The following RBFOX1 variants were observed in gnomAD, a reference collection of about 807,000 sequenced individuals.
RBFOX1 encodes RNA binding protein fox-1 homolog 1.
RBFOX1 carries 8 observed loss-of-function variants against 57.7 expected under a neutral mutation model. That is an observed-to-expected ratio of 0.14 (90% CI 0.08 to 0.25). RBFOX1 has a LOEUF of 0.25. Among genes scored for constraint, RBFOX1 ranks in the 10% least tolerant of loss-of-function variants. The probability of loss-of-function intolerance (pLI) is 1.00; values close to 1 mark genes in which losing one functional copy is unlikely to be tolerated. For missense variants in RBFOX1, 611 were observed against 548.5 expected (o/e 1.11, Z -1.14); for synonymous variants, 326 against 222.4 (o/e 1.47, Z -4.15).
intron 4 of RBFOX1, among the ~76,000 whole-genome samples, chr16:7,118,330 T>C (rs2066367976): frequency 6.6e-6 from 1 of 151,828 alleles, no homozygotes; most frequent in Non-Finnish European, 1.5e-5. Flanking sequence ...TGCATTTCCC[T>C]GATGATTAGT....
intron 1 of RBFOX1, among the ~76,000 whole-genome samples, chr16:5,406,046 G>A (rs1018332823): frequency 3.3e-5 from 5 of 152,038 alleles, no homozygotes; most frequent in African/African-American, 1.2e-4. Flanking sequence ...CTTTTATCTG[G>A]GAGTTCTCTT....
intron 4 of RBFOX1, among the ~76,000 whole-genome samples, chr16:7,343,679 G>C (rs2096939772): frequency 6.6e-6 from 1 of 152,056 alleles, no homozygotes; most frequent in South Asian, 2.1e-4. Flanking sequence ...TATATCTTAG[G>C]GAGGAAAAAA....
chr16:6,267,764 C>A (rs576200693), intron 1 of RBFOX1, among the ~76,000 whole-genome samples: 1 of 152,182 alleles, frequency 6.6e-6, no homozygotes, highest in South Asian at 2.1e-4. Context: ...TTAGATTTAC[C>A]AAGTATGATA....
chr16:7,230,418 C>A (rs541251806), intron 4 of RBFOX1, among the ~76,000 whole-genome samples: 1 of 152,126 alleles, frequency 6.6e-6, no homozygotes, highest in Admixed American at 6.5e-5. Context: ...ACTTATTCAT[C>A]TGCCTGCCTC....
At chr16:7,634,920 G>A (rs1003226831) in intron 11 of RBFOX1, among the ~76,000 whole-genome samples, 2 of 152,182 alleles carry the variant, frequency 1.3e-5, no homozygotes, top group Admixed American at 6.5e-5. Context: ...GAAAACATTT[G>A]CAATTAATAT....
At chr16:6,622,141 G>C (rs900268411) in intron 2 of RBFOX1, among the ~76,000 whole-genome samples, 1 of 152,126 alleles carries the variant, frequency 6.6e-6, no homozygotes, top group Non-Finnish European at 1.5e-5. Context: ...CATTCCTTAA[G>C]TACTTTATTG....
intron 1 of RBFOX1, among the ~76,000 whole-genome samples, chr16:6,268,839 C>T (rs61563561): frequency 4.6e-5 from 7 of 152,134 alleles, no homozygotes; most frequent in Non-Finnish European, 1.0e-4. Flanking sequence ...AGAGAACAAA[C>T]AAAATGCCTA....
At chr16:7,215,794 G>A (rs567699722) in intron 4 of RBFOX1, among the ~76,000 whole-genome samples, 5 of 146,354 alleles carry the variant, frequency 3.4e-5, no homozygotes, top group South Asian at 4.3e-4. Flanking sequence ...GCGTGATCTC[G>A]GCTCACTGCA....
At chr16:7,292,576 G>T (rs2095813210) in intron 4 of RBFOX1, among the ~76,000 whole-genome samples, 1 of 149,414 alleles carries the variant, frequency 6.7e-6, no homozygotes, top group African/African-American at 2.5e-5. Flanking sequence ...GAAGTGGGTT[G>T]TGCACGGTGA....
At chr16:6,056,025 C>T (rs1262309539) in intron 1 of RBFOX1, among the ~76,000 whole-genome samples, 1 of 152,110 alleles carries the variant, frequency 6.6e-6, no homozygotes, top group Admixed American at 6.6e-5. Flanking sequence ...CATTTCTTTG[C>T]ACTCAATGAG....
intron 2 of RBFOX1, among the ~76,000 whole-genome samples, chr16:6,644,425 G>C (rs1421932283): frequency 1.3e-5 from 2 of 152,300 alleles, no homozygotes; most frequent in South Asian, 2.1e-4. Flanking sequence ...AGAAGGAAGA[G>C]CAAAACCTTC....
chr16:7,233,267 C>T (rs546583858), intron 4 of RBFOX1, among the ~76,000 whole-genome samples: 2 of 150,420 alleles, frequency 1.3e-5, no homozygotes, highest in African/African-American at 4.9e-5. Flanking sequence ...TGTTTCTAAG[C>T]TGGCTCTATC....
At chr16:6,209,635 C>G (rs1039849598) in intron 1 of RBFOX1, among the ~76,000 whole-genome samples, 4 of 152,246 alleles carry the variant, frequency 2.6e-5, no homozygotes, top group Non-Finnish European at 5.9e-5. Flanking sequence ...TAAAACTCAA[C>G]TTGCTTTTCT....
At chr16:6,389,346 C>A (rs931871290) in intron 2 of RBFOX1, among the ~76,000 whole-genome samples, 1 of 152,144 alleles carries the variant, frequency 6.6e-6, no homozygotes, top group Non-Finnish European at 1.5e-5. Context: ...CACTAGCTTA[C>A]ATATCCTTCA....
intron 1 of RBFOX1, among the ~76,000 whole-genome samples, chr16:6,078,598 A>T (rs1375214638): frequency 2.0e-5 from 3 of 152,264 alleles, no homozygotes; most frequent in Admixed American, 2.0e-4. Context: ...CTCTCTGATC[A>T]TTGGCTTCTC....
intron 10 of RBFOX1, among the ~76,000 whole-genome samples, chr16:7,610,374 T>C (rs2057245592): frequency 6.6e-6 from 1 of 151,152 alleles, no homozygotes; most frequent in Non-Finnish European, 1.5e-5. Context: ...GCCCAGCCTG[T>C]TTATTTATTT....
intron 5 of RBFOX1, among the ~76,000 whole-genome samples, chr16:7,533,501 C>A (rs1436360427): frequency 6.6e-6 from 1 of 152,182 alleles, no homozygotes; most frequent in African/African-American, 2.4e-5. Flanking sequence ...ATAAATCCAT[C>A]ACAAGTTGAA....
At chr16:5,312,941 A>G (rs1284618225) in intron 1 of RBFOX1, among the ~76,000 whole-genome samples, 1 of 152,216 alleles carries the variant, frequency 6.6e-6, no homozygotes. Context: ...GGCTTGCTTC[A>G]GCATGAGCAG....
chr16:7,460,446 T>C (rs1328988308), intron 4 of RBFOX1, among the ~76,000 whole-genome samples: 3 of 144,758 alleles, frequency 2.1e-5, no homozygotes, highest in South Asian at 2.2e-4. Flanking sequence ...TATATATGTA[T>C]GTGTGTATAT....
Sources: gnomAD v4.1 joint callset for allele counts (sites outside exome capture counted in the v4.1 genomes callset) on GRCh38, gnomAD v4.1.1 for gene constraint, MANE v1.5 for transcripts, NCBI Gene and HGNC (gene_info 2026-07-23, HGNC 2026-07-21) for gene names.